LCORL: variants seen among roughly 807,000 people sequenced by gnomAD.
LCORL encodes the protein ligand-dependent nuclear receptor corepressor-like protein.
In LCORL, 41 loss-of-function variants were observed where a neutral mutation model predicts 141.8. The observed-to-expected ratio is 0.29, with a 90% CI of 0.23 to 0.38. LCORL has a LOEUF of 0.38. Among genes scored for constraint, LCORL ranks in the 10% least tolerant of loss-of-function variants. LCORL has a pLI of 1.00. For missense variants in LCORL, 1,759 were observed against 2,035.0 expected (o/e 0.86, Z 2.61); for synonymous variants, 618 against 694.1 (o/e 0.89, Z 1.72).
rs79779853 is a variant in LCORL, at chr4:17,907,582, G to A, written c.682+1512C>T. Among the ~76,000 whole-genome samples the A allele has an allele frequency of 2.1e-3, 316 of 152,268 alleles. 1 individual carries two copies. Among genetic ancestry groups the A allele is most frequent in the African/African-American group, 6.4e-3 (267 of 41,538 alleles). ...AAATTCTAAAAATCCTCTATTTTCC[G>A]AGTTCCAAAATTCTAAGTACTGATA... On this transcript the variant is annotated intron_variant, in intron 5 of 7. Coordinates refer to ENST00000635767, the Ensembl canonical transcript of LCORL.
intron 1 of LCORL, among the ~76,000 whole-genome samples, chr4:18,005,402 T>C (rs1187789012): frequency 6.6e-6 from 1 of 152,140 alleles, no homozygotes; most frequent in East Asian, 1.9e-4. Flanking sequence ...AGGCACATGA[T>C]GTAAGCTGTC....
intron 5 of LCORL, among the ~76,000 whole-genome samples, chr4:17,895,668 A>C (rs1181830528): frequency 6.6e-6 from 1 of 152,196 alleles, no homozygotes; most frequent in Admixed American, 6.5e-5. Flanking sequence ...TCTCCACCCT[A>C]GAAAGAAATC....
At chr4:17,886,767 T>C (rs1440090146) in intron 5 of LCORL, among the ~76,000 whole-genome samples, 2 of 152,112 alleles carry the variant, frequency 1.3e-5, no homozygotes, top group Admixed American at 6.6e-5. Context: ...TAATTTACGA[T>C]AATGCAACTT....
At chr4:17,858,354 G>T (rs145553020) in intron 7 of LCORL, among the ~76,000 whole-genome samples, 1 of 151,874 alleles carries the variant, frequency 6.6e-6, no homozygotes, top group East Asian at 1.9e-4. Flanking sequence ...AGTGAATCGC[G>T]TATCAGTGAC....
At chr4:18,009,929 A>G (rs1021207257) in intron 1 of LCORL, among the ~76,000 whole-genome samples, 5 of 152,048 alleles carry the variant, frequency 3.3e-5, no homozygotes, top group African/African-American at 1.2e-4. Flanking sequence ...CACCCCACCC[A>G]GTGTGGATAC....
At chr4:17,906,320 CCCT>C (rs1560320056) in intron 5 of LCORL, among the ~76,000 whole-genome samples, 1 of 152,118 alleles carries the variant, frequency 6.6e-6, no homozygotes, top group African/African-American at 2.4e-5. Flanking sequence ...CTTTCTATGA[CCCT>C]AAGAAAAGTC....
intron 1 of LCORL, among the ~76,000 whole-genome samples, chr4:17,974,576 A>G (rs892036094): frequency 2.6e-5 from 4 of 152,192 alleles, no homozygotes; most frequent in Non-Finnish European, 4.4e-5. Context: ...GGAACATTCC[A>G]AAGCCCATTC....
chr4:17,899,350 A>C (rs1730507735), intron 5 of LCORL, among the ~76,000 whole-genome samples: 1 of 152,026 alleles, frequency 6.6e-6, no homozygotes, highest in African/African-American at 2.4e-5. Flanking sequence ...AGAAATGATG[A>C]ACAGGGGGCA....
At chr4:17,857,138 G>T (rs1400178138) in intron 7 of LCORL, among the ~76,000 whole-genome samples, 1 of 152,106 alleles carries the variant, frequency 6.6e-6, no homozygotes, top group African/African-American at 2.4e-5. Flanking sequence ...AGAGTTTTCA[G>T]GCTGCATGAT....
At chr4:17,909,149 C>T in exon 5 of LCORL, 1 of 1,613,134 alleles carries the variant, frequency 6.2e-7, no homozygotes, top group Non-Finnish European at 8.5e-7. Flanking sequence ...AGGGGCCTTC[C>T]TGCTCTTCCT....
Position 17,884,093 on chromosome 4 carries a change from A to C in LCORL, c.776+1975T>G. 1 of 1,550,756 alleles carries C rather than the reference A, an allele frequency of 6.4e-7. No homozygotes were observed. Among genetic ancestry groups the C allele is most frequent in the South Asian group, 1.2e-5 (1 of 84,032 alleles). The stretch of plus-strand genomic sequence containing the variant: ...CAAAGGAGAGAGGTCCCCATGTAGA[A>C]AGTAAGAGTCAACACTTGAGTGAGT... On this transcript the variant is annotated intron_variant, in intron 6 of 7. Coordinates refer to ENST00000635767, the Ensembl canonical transcript of LCORL. This position sits in a 1 kb window ranked among gnomAD's most constrained non-coding sequence, Gnocchi z 4.4.
At chr4:17,933,975 C>G (rs1042850419) in intron 4 of LCORL, among the ~76,000 whole-genome samples, 2 of 151,854 alleles carry the variant, frequency 1.3e-5, no homozygotes, top group African/African-American at 4.8e-5. Flanking sequence ...TTTAGCTCAC[C>G]CTTCTCTTCA....
intron 7 of LCORL, among the ~76,000 whole-genome samples, chr4:17,848,254 T>C (rs1723172063): frequency 1.3e-5 from 2 of 152,144 alleles, no homozygotes; most frequent in South Asian, 4.1e-4. Flanking sequence ...ATATGCAAAG[T>C]TTGGGCAGTA....
Position 18,021,714 on chromosome 4 carries a change from G to C in LCORL, c.38C>G (p.Ala13Gly). ...GGCGGCGGCGGCGGCGGCAGCAGCG[G>C]CGGCGGCAGCGGCCATTCTCTCTCT... The change falls in exon 1 of 8, where the codon GCC (alanine) becomes GGC (glycine). Residue 13 changes from alanine (A) to glycine (G), a missense_variant. Around this residue, in one of 5 missense-constraint regions of LCORL, gnomAD observed 86 missense variants for 61.8 expected, o/e 1.39. Coordinates refer to ENST00000635767, the Ensembl canonical transcript of LCORL. The surrounding 1 kb of genome is among the most constrained non-coding windows in gnomAD (Gnocchi z 5.5). The C allele has an allele frequency of 1.3e-6, 2 of 1,526,378 alleles. No individual in the cohort carries two copies. The highest frequency in any genetic ancestry group is 1.8e-4 in the Middle Eastern group (1 of 5,480). 94.6% of individuals were successfully genotyped at this position (1,526,378 alleles called of 1,614,324 possible).
chr4:17,927,779 A>G (rs905863657), intron 4 of LCORL, among the ~76,000 whole-genome samples: 2 of 152,226 alleles, frequency 1.3e-5, no homozygotes, highest in Non-Finnish European at 1.5e-5. Context: ...ATCAAGGATC[A>G]CCATAATAGA....
In LCORL at chr4:17,942,873, G is replaced by A. The variant is rs149088128; in HGVS notation, c.430+19030C>T. Among the ~76,000 whole-genome samples the A allele has an allele frequency of 3.8e-3, 537 of 139,532 alleles. 3 individuals carry two copies. Among genetic ancestry groups the A allele is most frequent in the South Asian group, 8.0e-3 (34 of 4,274 alleles). 91.5% of individuals were successfully genotyped at this position (139,532 alleles called of 152,430 possible). A position where few individuals can be genotyped will look rare whatever the true frequency, so the allele number is the denominator to read the frequency against. On this transcript the variant is annotated intron_variant, in intron 4 of 7. Transcript: ENST00000635767. ...GAGCAGCCAGCAAGTGAGCATTACC[G>A]CCTGAGTTTGCCTCCTGTCAGTTCA...
In LCORL at chr4:17,892,321, G is replaced by A. The variant is rs574316235; in HGVS notation, c.683-6160C>T. Among the ~76,000 whole-genome samples, 12 of 148,176 alleles carry A rather than the reference G, an allele frequency of 8.1e-5. No homozygotes were observed. In the East Asian group the frequency reaches 2.2e-3, roughly 27 times the overall value. ...CCTCCTGGGTTCGAGTGATTCTCCT[G>A]CCTCAGCCTCCCAAGTAGCTGGGAT... On this transcript the variant is annotated intron_variant, in intron 5 of 7. Coordinates refer to ENST00000635767, the Ensembl canonical transcript of LCORL.
chr4:17,892,287 C>T (rs1460816163), intron 5 of LCORL, among the ~76,000 whole-genome samples: 1 of 150,264 alleles, frequency 6.7e-6, no homozygotes, highest in Non-Finnish European at 1.5e-5. Context: ...CGGCTCACTG[C>T]AACCTCCACC....
chr4:17,969,026 T>C (rs912711546), intron 2 of LCORL, among the ~76,000 whole-genome samples: 2 of 152,202 alleles, frequency 1.3e-5, no homozygotes, highest in African/African-American at 2.4e-5. Flanking sequence ...TTTTTGTAAA[T>C]ATACACAGTC....
Sources: allele counts gnomAD v4.1 joint callset (sites outside exome capture counted in the v4.1 genomes callset), GRCh38; gene constraint gnomAD v4.1.1; regional missense constraint gnomAD v4.1.1; non-coding constraint Gnocchi (gnomAD v3.1); transcripts MANE v1.5; gene names NCBI Gene and HGNC (gene_info 2026-07-23, HGNC 2026-07-21).